Variants in RBFOX1 observed in about 807,000 individuals in gnomAD.
RBFOX1 encodes RNA binding fox-1 homolog 1.
In RBFOX1, 8 loss-of-function variants were observed where a neutral mutation model predicts 57.7. The observed-to-expected ratio is 0.14, with a 90% CI of 0.08 to 0.25. The LOEUF is 0.25. Among genes scored for constraint, RBFOX1 ranks in the 10% least tolerant of loss-of-function variants. The pLI, the probability that RBFOX1 is intolerant of heterozygous loss-of-function variation, is 1.00. For synonymous variants in RBFOX1, 326 were observed against 222.4 expected (o/e 1.47, Z -4.15); for missense variants, 611 against 548.5 (o/e 1.11, Z -1.14).
At chr16:7,582,621 G>T (rs2093860678) in intron 6 of RBFOX1, among the ~76,000 whole-genome samples, 1 of 152,172 alleles carries the variant, frequency 6.6e-6, no homozygotes, top group South Asian at 2.1e-4. Flanking sequence ...GGGAATTTAG[G>T]AGGGTTTCCT....
At chr16:5,675,413 G>T (rs1185438690) in intron 3 of RBFOX1, among the ~76,000 whole-genome samples, 2 of 152,132 alleles carry the variant, frequency 1.3e-5, no homozygotes, top group Admixed American at 1.3e-4. Context: ...AGCATCCCTG[G>T]GTTTTCAGCC....
At chr16:6,613,980 A>G (rs899661507) in intron 2 of RBFOX1, among the ~76,000 whole-genome samples, 7 of 152,206 alleles carry the variant, frequency 4.6e-5, no homozygotes, top group African/African-American at 1.7e-4. Context: ...AGATACTGCA[A>G]TAATTTGGAA....
At chr16:7,427,781 G>A (rs1040207293) in intron 4 of RBFOX1, among the ~76,000 whole-genome samples, 1 of 152,024 alleles carries the variant, frequency 6.6e-6, no homozygotes, top group African/African-American at 2.4e-5. Context: ...AGCCTCCCGA[G>A]TAGCTGGGAT....
intron 4 of RBFOX1, among the ~76,000 whole-genome samples, chr16:7,132,473 C>CAG (rs1232675146): frequency 1.1e-4 from 14 of 133,192 alleles, no homozygotes; most frequent in Admixed American, 8.8e-4. Flanking sequence ...CACACACACA[C>CAG]ACACACACAG....
At position 5,342,934 on chromosome 16, in the gene RBFOX1, A is replaced by G. The variant is rs1437083148; in HGVS notation, c.219+102829A>G. On this transcript the variant is annotated intron_variant, in intron 1 of 2. Transcript: ENST00000585867. ...TACCCCACAAGCCAAGATGAGTTCT[A>G]ATTAGACCTAAGCCATCTGGGTAAT... 2.6e-5 allele frequency among the ~76,000 whole-genome samples: 4 copies of G among 152,186 alleles called. No homozygotes were observed. The East Asian group carries it at 7.7e-4, about 29-fold the overall frequency.
chr16:6,998,174 C>G (rs1158162189), intron 3 of RBFOX1, among the ~76,000 whole-genome samples: 7 of 151,970 alleles, frequency 4.6e-5, no homozygotes, highest in Non-Finnish European at 1.0e-4. Context: ...TGAAAGCAGC[C>G]AAAGCAGTAC....
intron 4 of RBFOX1, among the ~76,000 whole-genome samples, chr16:7,364,969 C>T (rs969401142): frequency 1.7e-4 from 26 of 152,142 alleles, no homozygotes; most frequent in Non-Finnish European, 7.3e-5. Context: ...TTCTTGAGAC[C>T]TACAATGATC....
intron 3 of RBFOX1, among the ~76,000 whole-genome samples, chr16:6,922,390 G>T (rs964756614): frequency 2.0e-5 from 3 of 152,164 alleles, no homozygotes; most frequent in African/African-American, 4.8e-5. Flanking sequence ...TCTGCCACCC[G>T]GCACAGCAGT....
intron 14 of RBFOX1, among the ~76,000 whole-genome samples, chr16:7,685,178 A>G (rs926238822): frequency 7.9e-5 from 12 of 152,058 alleles, no homozygotes; most frequent in Admixed American, 2.6e-4. Flanking sequence ...TTTAGAGAAC[A>G]AGCTTCTGTT....
At chr16:6,546,503 C>G (rs373449055) in intron 2 of RBFOX1, among the ~76,000 whole-genome samples, 6 of 152,150 alleles carry the variant, frequency 3.9e-5, no homozygotes, top group Non-Finnish European at 8.8e-5. Context: ...CACTCTCTGG[C>G]ATATTGTGAT....
intron 2 of RBFOX1, among the ~76,000 whole-genome samples, chr16:6,354,858 A>G (rs1158327633): frequency 1.3e-5 from 2 of 152,210 alleles, no homozygotes; most frequent in African/African-American, 4.8e-5. Context: ...TGAATGATCA[A>G]TAAATGAATA....
At chr16:6,963,961 G>C (rs1033658688) in intron 3 of RBFOX1, among the ~76,000 whole-genome samples, 2 of 152,026 alleles carry the variant, frequency 1.3e-5, no homozygotes, top group Admixed American at 6.6e-5. Flanking sequence ...GCCTCCCAAA[G>C]TGCTGGGATT....
intron 5 of RBFOX1, among the ~76,000 whole-genome samples, chr16:7,555,595 C>T (rs189823798): frequency 7.9e-5 from 12 of 152,314 alleles, no homozygotes; most frequent in Non-Finnish European, 1.8e-4. Context: ...TGACCTGTTT[C>T]TGTGCCCTCG....
At chr16:7,238,475 G>C (rs996204698) in intron 4 of RBFOX1, among the ~76,000 whole-genome samples, 2 of 152,050 alleles carry the variant, frequency 1.3e-5, no homozygotes, top group African/African-American at 2.4e-5. Context: ...TCCCCTTCCT[G>C]CAATATTTAC....
chr16:5,461,167 G>A (rs933776171), intron 1 of RBFOX1, among the ~76,000 whole-genome samples: 9 of 152,316 alleles, frequency 5.9e-5, no homozygotes, highest in East Asian at 3.9e-4. Flanking sequence ...GAACCCCGTC[G>A]TGGTCTTGCT....
At chr16:5,748,067 A>G (rs2053055507) in intron 3 of RBFOX1, among the ~76,000 whole-genome samples, 1 of 152,120 alleles carries the variant, frequency 6.6e-6, no homozygotes, top group African/African-American at 2.4e-5. Context: ...ATATTCTGGT[A>G]TGTTGTGTCT....
chr16:6,213,275 G>A (rs2097310395), intron 1 of RBFOX1, among the ~76,000 whole-genome samples: 1 of 152,016 alleles, frequency 6.6e-6, no homozygotes, highest in African/African-American at 2.4e-5. Flanking sequence ...AGGTGGCTTT[G>A]TCATAGGCTG....
chr16:7,424,156 A>C (rs879762403), intron 4 of RBFOX1, among the ~76,000 whole-genome samples: 3 of 152,152 alleles, frequency 2.0e-5, no homozygotes, highest in Admixed American at 2.0e-4. Flanking sequence ...TGCAATGATA[A>C]AGTGACTCCA....
intron 4 of RBFOX1, among the ~76,000 whole-genome samples, chr16:7,105,093 C>A (rs1025901082): frequency 4.6e-5 from 7 of 152,110 alleles, no homozygotes; most frequent in Admixed American, 1.3e-4. Flanking sequence ...AAAGAGAGCA[C>A]CTCTGCCACT....
Sources: allele counts gnomAD v4.1 joint callset (sites outside exome capture counted in the v4.1 genomes callset), GRCh38; gene constraint gnomAD v4.1.1; transcripts MANE v1.5; gene names NCBI Gene and HGNC (gene_info 2026-07-23, HGNC 2026-07-21).